The following MMP26 variants were observed in gnomAD, a reference collection of about 807,000 sequenced individuals.
MMP26 encodes matrix metalloproteinase-26.
MMP26 carries 33 observed loss-of-function variants against 31.0 expected under a neutral mutation model. The ratio of observed to expected loss-of-function variants is 1.06; its 90% CI spans 0.81 to 1.42. The LOEUF (loss-of-function observed/expected upper bound fraction) is 1.42. MMP26 is among the 40% of genes most tolerant of loss of function. The pLI, the probability that MMP26 is intolerant of heterozygous loss-of-function variation, is 0.00. For synonymous variants in MMP26, 122 were observed against 114.9 expected (o/e 1.06, Z -0.40); for missense variants, 347 against 316.1 (o/e 1.10, Z -0.74).
intron 2 of MMP26, among the ~76,000 whole-genome samples, chr11:4,844,135 G>A (rs1390925160): frequency 1.3e-5 from 2 of 152,030 alleles, no homozygotes; most frequent in Non-Finnish European, 2.9e-5. Flanking sequence ...TGGCTATCAC[G>A]AGCAAGTATA....
chr11:4,782,641 C>A (rs999491799), intron 2 of MMP26, among the ~76,000 whole-genome samples: 2 of 152,054 alleles, frequency 1.3e-5, no homozygotes, highest in African/African-American at 2.4e-5. Context: ...CCCAAGACAA[C>A]GGGGAAAATG....
chr11:4,836,790 G>A (rs1036147814), intron 2 of MMP26, among the ~76,000 whole-genome samples: 2 of 150,712 alleles, frequency 1.3e-5, no homozygotes, highest in Admixed American at 1.3e-4. Context: ...CTCCCGAGTA[G>A]CTGGGACTAC....
intron 2 of MMP26, among the ~76,000 whole-genome samples, chr11:4,781,657 C>T (rs1848865630): frequency 1.4e-5 from 2 of 139,852 alleles, no homozygotes; most frequent in African/African-American, 5.1e-5. Context: ...TATTTTAAAA[C>T]CATTCTGATT....
chr11:4,957,968 G>C (rs1846466986), intron 2 of MMP26, among the ~76,000 whole-genome samples: 1 of 152,006 alleles, frequency 6.6e-6, no homozygotes, highest in Non-Finnish European at 1.5e-5. Context: ...AGCTTCAGAG[G>C]CTTAATTTTG....
intron 6 of MMP26, 23 bp from the exon 7 acceptor site, chr11:4,991,941 T>G (rs754389698): frequency 1.3e-6 from 2 of 1,549,088 alleles, no homozygotes; most frequent in Non-Finnish European, 1.7e-6. Flanking sequence ...AATTTTATCT[T>G]TTTTTTTTCT....
intron 2 of MMP26, among the ~76,000 whole-genome samples, chr11:4,930,003 A>C (rs1851324387): frequency 6.6e-6 from 1 of 152,146 alleles, no homozygotes; most frequent in Non-Finnish European, 1.5e-5. Context: ...TCAAAAATGT[A>C]CTTGGAATAA....
intron 2 of MMP26, among the ~76,000 whole-genome samples, chr11:4,985,366 T>C (rs761530755): frequency 3.3e-5 from 5 of 152,220 alleles, no homozygotes; most frequent in Non-Finnish European, 7.4e-5. Flanking sequence ...CTCTATACCA[T>C]ATTTGTCTAA....
At chr11:4,958,916 A>C (rs1298410626) in intron 2 of MMP26, among the ~76,000 whole-genome samples, 19 of 152,202 alleles carry the variant, frequency 1.2e-4, no homozygotes, top group African/African-American at 4.3e-4. Flanking sequence ...AGCAGAGAAT[A>C]CAGAGGAATT....
chr11:4,960,896 G>A (rs1274212077), intron 2 of MMP26, among the ~76,000 whole-genome samples: 1 of 152,042 alleles, frequency 6.6e-6, no homozygotes, highest in East Asian at 1.9e-4. Context: ...AACAATCACA[G>A]GGGTATAATA....
chr11:4,881,952 C>T (rs1850471028), intron 2 of MMP26: 1 of 1,613,882 alleles, frequency 6.2e-7, no homozygotes. Flanking sequence ...CTCCTCACTG[C>T]ATTCCCTGGG....
chr11:4,722,067 A>G (rs1461792839), intron 1 of MMP26, among the ~76,000 whole-genome samples: 1 of 152,192 alleles, frequency 6.6e-6, no homozygotes, highest in Non-Finnish European at 1.5e-5. Context: ...TTCTGCCATG[A>G]TTGAAAGCTT....
chr11:4,859,215 G>A (rs905460639), intron 2 of MMP26, among the ~76,000 whole-genome samples: 9 of 152,130 alleles, frequency 5.9e-5, no homozygotes, highest in African/African-American at 1.9e-4. Context: ...AGCCAAAATG[G>A]ACAAATGGGA....
At chr11:4,815,682 A>G (rs1397255885) in intron 2 of MMP26, among the ~76,000 whole-genome samples, 2 of 152,214 alleles carry the variant, frequency 1.3e-5, no homozygotes, top group African/African-American at 2.4e-5. Flanking sequence ...TGAAATTGGT[A>G]TACAGTAAAG....
intron 2 of MMP26, among the ~76,000 whole-genome samples, chr11:4,959,572 C>G (rs1397886993): frequency 6.6e-6 from 1 of 152,248 alleles, no homozygotes; most frequent in East Asian, 1.9e-4. Context: ...GTCTATTTTC[C>G]CCTGAACACA....
chr11:4,731,722 G>T (rs542216197), intron 1 of MMP26, among the ~76,000 whole-genome samples: 1 of 152,334 alleles, frequency 6.6e-6, no homozygotes, highest in South Asian at 2.1e-4. Context: ...GCATGCACAT[G>T]TGTGGGTTCA....
chr11:4,942,149 ATGCCT>A (rs1846220393), intron 2 of MMP26, among the ~76,000 whole-genome samples: 1 of 150,474 alleles, frequency 6.6e-6, no homozygotes, highest in Admixed American at 6.7e-5. Flanking sequence ...CAAGAAGAAC[ATGCCT>A]GATAAAAATT....
chr11:4,797,274 G>A (rs1378025539), intron 2 of MMP26, among the ~76,000 whole-genome samples: 5 of 152,112 alleles, frequency 3.3e-5, no homozygotes, highest in African/African-American at 1.2e-4. Flanking sequence ...AAGAATGAAT[G>A]AATGAATTTT....
chr11:4,960,809 A>G (rs1846510973), intron 2 of MMP26, among the ~76,000 whole-genome samples: 1 of 152,224 alleles, frequency 6.6e-6, no homozygotes, highest in Non-Finnish European at 1.5e-5. Flanking sequence ...AACATTTCAT[A>G]AGCCACTTTA....
chr11:4,806,219 C>G (rs896595750), intron 2 of MMP26, among the ~76,000 whole-genome samples: 3 of 151,742 alleles, frequency 2.0e-5, no homozygotes, highest in African/African-American at 7.3e-5. Flanking sequence ...GTGGAGAGTT[C>G]TGTAGATGTC....
Sources: allele counts gnomAD v4.1 joint callset (sites outside exome capture counted in the v4.1 genomes callset), GRCh38; gene constraint gnomAD v4.1.1; transcripts MANE v1.5; gene names NCBI Gene and HGNC (gene_info 2026-07-23, HGNC 2026-07-21).